The following SNX24 variants were observed in gnomAD, a reference collection of about 807,000 sequenced individuals.
SNX24 encodes sorting nexin 24.
A neutral mutation model predicts 28.7 loss-of-function variants in SNX24; 22 were observed. The ratio of observed to expected loss-of-function variants is 0.77; its 90% CI spans 0.55 to 1.10. The LOEUF (loss-of-function observed/expected upper bound fraction) is 1.10. Among genes scored for constraint, SNX24 ranks in the 50% least tolerant of loss-of-function variants. The pLI is 0.00. For synonymous variants in SNX24, 69 were observed against 71.5 expected, an observed-to-expected ratio of 0.96 and a Z score of 0.18; for missense variants, 221 against 201.1, an observed-to-expected ratio of 1.10 and a Z score of -0.60.
At chr5:122,952,254 A>G (rs1240125335) in intron 3 of SNX24, among the ~76,000 whole-genome samples, 1 of 152,234 alleles carries the variant, frequency 6.6e-6, no homozygotes, top group African/African-American at 2.4e-5. Flanking sequence ...TGCATGGAAC[A>G]CATGCCTAGG....
At chr5:123,023,800 A>T in intron 5 of SNX24, 2 of 1,403,858 alleles carry the variant, frequency 1.4e-6, no homozygotes, top group Non-Finnish European at 1.9e-6. Context: ...TAATTGAAAG[A>T]CAACACAACA....
chr5:122,886,761 C>T (rs542758436), intron 1 of SNX24, among the ~76,000 whole-genome samples: 5 of 151,502 alleles, frequency 3.3e-5, no homozygotes, highest in African/African-American at 1.2e-4. Context: ...ACCCGGGAGG[C>T]GGAGGTTGCA....
At chr5:122,947,721 T>C (rs1156996810) in intron 3 of SNX24, among the ~76,000 whole-genome samples, 1 of 152,174 alleles carries the variant, frequency 6.6e-6, no homozygotes, top group African/African-American at 2.4e-5. Flanking sequence ...TCAGAAATTG[T>C]ATGCAAAGAG....
chr5:122,939,954 A>G (rs1049424895), intron 2 of SNX24, among the ~76,000 whole-genome samples: 21 of 151,936 alleles, frequency 1.4e-4, no homozygotes, highest in Non-Finnish European at 2.2e-4. Context: ...TTATCTTCCA[A>G]ATTCTTATAA....
intron 1 of SNX24, among the ~76,000 whole-genome samples, chr5:122,877,550 A>C (rs1376594827): frequency 6.6e-6 from 1 of 152,066 alleles, no homozygotes; most frequent in Non-Finnish European, 1.5e-5. Flanking sequence ...AAGATAAATA[A>C]AAAATAAAAT....
intron 1 of SNX24, among the ~76,000 whole-genome samples, chr5:122,932,982 G>A (rs1759027220): frequency 6.6e-6 from 1 of 151,650 alleles, no homozygotes; most frequent in Non-Finnish European, 1.5e-5. Context: ...TACATTAGAG[G>A]GGTGAAATCT....
intron 5 of SNX24, chr5:123,028,723 A>C: frequency 6.9e-7 from 1 of 1,451,082 alleles, no homozygotes; most frequent in Non-Finnish European, 9.6e-7. Context: ...ATACTGGCTT[A>C]ACCTTAGATT....
At chr5:122,860,406 A>G (rs1055178517) in intron 1 of SNX24, among the ~76,000 whole-genome samples, 2 of 152,116 alleles carry the variant, frequency 1.3e-5, no homozygotes, top group Non-Finnish European at 2.9e-5. Flanking sequence ...AAGTTCCCCA[A>G]AGTTCCTGGC....
intron 2 of SNX24, among the ~76,000 whole-genome samples, chr5:122,942,079 A>C (rs1227515753): frequency 6.6e-6 from 1 of 152,168 alleles, no homozygotes; most frequent in Non-Finnish European, 1.5e-5. Context: ...TTACCTCCCT[A>C]GGCCAAAAAT....
At chr5:122,935,670 A>G (rs1254756144) in intron 1 of SNX24, among the ~76,000 whole-genome samples, 1 of 152,244 alleles carries the variant, frequency 6.6e-6, no homozygotes. Context: ...AGACAGAAAT[A>G]TAGAGCCATA....
At chr5:122,936,643 G>A in intron 1 of SNX24, 91 bp from the exon 2 acceptor site, 2 of 713,146 alleles carry the variant, frequency 2.8e-6, no homozygotes, top group South Asian at 4.4e-5. Flanking sequence ...TGTAATTAAA[G>A]GGATGAAATA....
intron 1 of SNX24, among the ~76,000 whole-genome samples, chr5:122,923,858 A>AT (rs1758556077): frequency 6.6e-6 from 1 of 152,124 alleles, no homozygotes; most frequent in Non-Finnish European, 1.5e-5. Flanking sequence ...GGTTAAAAAA[A>AT]TAATGATTCA....
intron 3 of SNX24, among the ~76,000 whole-genome samples, chr5:122,950,413 T>C (rs1239959384): frequency 6.6e-6 from 1 of 151,830 alleles, no homozygotes; most frequent in Non-Finnish European, 1.5e-5. Context: ...AGAGATACCT[T>C]GAACCATAGC....
intron 1 of SNX24, among the ~76,000 whole-genome samples, chr5:122,875,619 G>A (rs1327350681): frequency 1.3e-5 from 2 of 152,192 alleles, no homozygotes; most frequent in Non-Finnish European, 2.9e-5. Context: ...CTAGCACAGT[G>A]CAAGGCACGT....
At chr5:122,882,103 A>G (rs1756505820) in intron 1 of SNX24, among the ~76,000 whole-genome samples, 1 of 151,938 alleles carries the variant, frequency 6.6e-6, no homozygotes, top group Non-Finnish European at 1.5e-5. Flanking sequence ...GGTGCTTGCC[A>G]CCATGCCCAA....
At chr5:122,849,621 A>G (rs1307559459) in intron 1 of SNX24, among the ~76,000 whole-genome samples, 1 of 152,184 alleles carries the variant, frequency 6.6e-6, no homozygotes, top group Non-Finnish European at 1.5e-5. Flanking sequence ...GGCACCTCTA[A>G]ATAAGTTTGT....
chr5:123,005,850 T>C (rs1327520748), intron 6 of SNX24, among the ~76,000 whole-genome samples: 1 of 152,196 alleles, frequency 6.6e-6, no homozygotes, highest in Non-Finnish European at 1.5e-5. Context: ...ATCACACGCT[T>C]TCAAAGATAT....
chr5:123,015,202 T>C (rs1320289028), intron 5 of SNX24, among the ~76,000 whole-genome samples: 1 of 152,190 alleles, frequency 6.6e-6, no homozygotes, highest in Non-Finnish European at 1.5e-5. Flanking sequence ...GAAGAACAAC[T>C]GTTGAATGGG....
chr5:122,920,756 T>C lies in SNX24; in HGVS notation c.61-15978T>C, dbSNP rs189465643. Among the ~76,000 whole-genome samples, 8 of 152,352 alleles carry C rather than the reference T, an allele frequency of 5.3e-5. No individual in the cohort carries two copies. The East Asian group carries it at 1.5e-3, about 29-fold the overall frequency. On this transcript the variant is annotated intron_variant, in intron 1 of 6. Coordinates refer to ENST00000261369, the MANE Select transcript of SNX24 (RefSeq NM_014035.4). ...GGAACTCAGGTTTGTGCTTCACAGA[T>C]ATTTTTTCTCATTATAGAATGTTTT...
Sources: allele counts gnomAD v4.1 joint callset (sites outside exome capture counted in the v4.1 genomes callset), GRCh38; gene constraint gnomAD v4.1.1; transcripts MANE v1.5; gene names NCBI Gene and HGNC (gene_info 2026-07-23, HGNC 2026-07-21).